GIPC1: variants seen among roughly 807,000 people sequenced by gnomAD.
GIPC1 encodes the protein GIPC PDZ domain containing family member 1, also known as PDZ domain-containing protein GIPC1.
In GIPC1, 15 loss-of-function variants were observed where a neutral mutation model predicts 28.5. That is an observed-to-expected ratio of 0.53 (90% CI 0.35 to 0.81). The LOEUF (loss-of-function observed/expected upper bound fraction) is 0.81. Among genes scored for constraint, GIPC1 ranks in the 30% least tolerant of loss-of-function variants. The pLI is 0.01. For synonymous variants in GIPC1, 224 were observed against 206.1 expected (o/e 1.09, Z -0.74); for missense variants, 439 against 481.9 (o/e 0.91, Z 0.83).
chr19:14,491,928 C>T (rs935166509), intron 2 of GIPC1, among the ~76,000 whole-genome samples, 185 bp from the exon 3 acceptor site: 1 of 152,004 alleles, frequency 6.6e-6, no homozygotes, highest in African/African-American at 2.4e-5. Flanking sequence ...ATTAGCCAGG[C>T]GTGGTGGCGG....
rs1429480135 is a variant in GIPC1, at chr19:14,480,360, C to A, written c.600G>T (p.Glu200Asp). Reference protein sequence around the residue: ...RHYEVARLLKELPRGRTFTLK... With the variant: ...RHYEVARLLKDLPRGRTFTLK... ...GCGTGAAGGTACGGCCTCGGGGCAG[C>A]TCCTTGAGCAGCCGGGCCACCTCGT... The change falls in exon 6 of 9, where the codon GAG (glutamate) becomes GAT (aspartate). Residue 200 changes from glutamate to aspartate, a missense_variant. Physicochemically the swap from Glu to Asp is conservative, Grantham distance 45 (BLOSUM62 2). Transcript: ENST00000393033. 72 of 1,612,360 alleles carry A rather than the reference C, an allele frequency of 4.5e-5. No homozygotes were observed. The East Asian group carries it at 1.6e-3, about 36-fold the overall frequency.
chr19:14,489,250 A>G, intron 3 of GIPC1: 1 of 637,776 alleles, frequency 1.6e-6, no homozygotes, highest in Non-Finnish European at 2.9e-6. Context: ...GGTTTGCCCC[A>G]TTGAAACTCA....
At chr19:14,485,186 TAAAA>T (rs1369129936) in intron 3 of GIPC1, among the ~76,000 whole-genome samples, 2 of 150,940 alleles carry the variant, frequency 1.3e-5, no homozygotes, top group African/African-American at 4.9e-5. Context: ...AATAAATAAA[TAAAA>T]GAGTCAGGGT....
chr19:14,489,506 T>C (rs1403103339), intron 3 of GIPC1: 1 of 905,948 alleles, frequency 1.1e-6, no homozygotes, highest in South Asian at 1.3e-5. Flanking sequence ...TTTATGAACC[T>C]TGTGATAGAT....
intron 3 of GIPC1, among the ~76,000 whole-genome samples, chr19:14,484,639 A>C (rs1238723681): frequency 6.6e-6 from 1 of 151,936 alleles, no homozygotes; most frequent in Admixed American, 6.6e-5. Flanking sequence ...TTAGCTACTC[A>C]GGAGGCTGAG....
At chr19:14,488,232 CAT>C (rs1489766838) in intron 3 of GIPC1, among the ~76,000 whole-genome samples, 1 of 151,594 alleles carries the variant, frequency 6.6e-6, no homozygotes, top group Non-Finnish European at 1.5e-5. Context: ...TGACGGATCA[CAT>C]GAGGTCAGCA....
At chr19:14,485,730 G>C (rs911295745) in intron 3 of GIPC1, among the ~76,000 whole-genome samples, 25 of 144,350 alleles carry the variant, frequency 1.7e-4, no homozygotes, top group African/African-American at 4.4e-4. Flanking sequence ...GAGAGAGAGA[G>C]AGAGAGAGAG....
Position 14,477,777 on chromosome 19 carries a change from C to T in GIPC1, c.*639G>A, listed in dbSNP as rs2071632040. On this transcript the variant is annotated 3_prime_UTR_variant, in exon 9 of 9. Coordinates refer to ENST00000393033, the MANE Select transcript of GIPC1 (RefSeq NM_005716.4). ...ACACAGGTCCAACAGCAGATAGATT[C>T]TTTATGTTCAAGACAGCAAATTCAG... 1 of 152,546 alleles carries T rather than the reference C, an allele frequency of 6.6e-6. No individual in the cohort carries two copies. Among genetic ancestry groups the T allele is most frequent in the South Asian group, 2.1e-4 (1 of 4,838 alleles). The allele number at this position is 152,546 out of a possible 1,614,324, so 9.4% of individuals were successfully genotyped here.
At chr19:14,489,408 T>G in intron 3 of GIPC1, 1 of 801,398 alleles carries the variant, frequency 1.2e-6, no homozygotes, top group Non-Finnish European at 2.3e-6. Flanking sequence ...CTCACCCTCC[T>G]GAGTTGAAAA....
intron 3 of GIPC1, chr19:14,489,441 A>C: frequency 1.1e-6 from 1 of 909,648 alleles, no homozygotes; most frequent in South Asian, 1.3e-5. Context: ...AGAAGTTTTC[A>C]TTGAAATTAA....
chr19:14,481,022 G>A (rs536866136), intron 4 of GIPC1: 3 of 468,552 alleles, frequency 6.4e-6, no homozygotes, highest in Non-Finnish European at 7.6e-6. Context: ...CCAGGCTGGA[G>A]TGCAGTGGTG....
intron 3 of GIPC1, among the ~76,000 whole-genome samples, chr19:14,490,295 G>A (rs1326863772): frequency 6.6e-6 from 1 of 152,044 alleles, no homozygotes; most frequent in Non-Finnish European, 1.5e-5. Flanking sequence ...GAACCTGGGA[G>A]GTGGAGGTTG....
At chr19:14,492,595 T>C (rs1449512400) in intron 2 of GIPC1, among the ~76,000 whole-genome samples, 1 of 152,084 alleles carries the variant, frequency 6.6e-6, no homozygotes, top group Non-Finnish European at 1.5e-5. Context: ...CGTGAGCCAC[T>C]GCACCCGGCC....
Position 14,478,704 on chromosome 19 carries a change from C to A in GIPC1, c.830G>T (p.Gly277Val). Residue 277 changes from glycine to valine, a missense_variant, in exon 8 of 9, where the codon GGT (glycine) becomes GTT (valine). Transcript: ENST00000393033. The surrounding 1 kb of genome is among the most constrained non-coding windows in gnomAD (Gnocchi z 5.2). ...CTCACCCAGCTCCGTGTCCCTGATA[C>A]CCATGTAACTCTCCAGCAGGTCATC... ...KVDDLLESYM[G>V]IRDTELAATM... The A allele has an allele frequency of 6.2e-7, 1 of 1,613,830 alleles. No individual in the cohort carries two copies. The highest frequency in any genetic ancestry group is 8.5e-7 in the Non-Finnish European group (1 of 1,179,868).
rs2071647848 is a variant in GIPC1 at position 14,478,411 on chromosome 19, C to A, written c.*5G>T. On this transcript the variant is annotated 3_prime_UTR_variant, in exon 9 of 9. Coordinates refer to ENST00000393033, the MANE Select transcript of GIPC1 (RefSeq NM_005716.4). The surrounding 1 kb of genome is among the most constrained non-coding windows in gnomAD (Gnocchi z 5.2). ...GGGTCATCATCGCAGGGTCCGGGGG[C>A]AGTCCTAGTAGCGGCCGACCTTGGC... is the stretch of plus-strand genomic sequence containing the variant. 2 of 1,604,240 alleles carry A rather than the reference C, an allele frequency of 1.2e-6. No individual in the cohort carries two copies. Among genetic ancestry groups the A allele is most frequent in the Non-Finnish European group, 1.7e-6 (2 of 1,175,870 alleles).
chr19:14,486,832 C>T (rs918900543), intron 3 of GIPC1, among the ~76,000 whole-genome samples: 1 of 151,420 alleles, frequency 6.6e-6, no homozygotes, highest in Non-Finnish European at 1.5e-5. Context: ...CTGCCTCAAC[C>T]TCCCAAGTAG....
In GIPC1 at chr19:14,496,086, T is replaced by C. The variant is rs1010351732; in HGVS notation, c.-224A>G. ...CGCCGCCGCCGCCGCTGCCTCCGCC[T>C]CCCCGTGCGCACCCGGCTCGGCCCT... On this transcript the variant is annotated 5_prime_UTR_variant, in exon 1 of 9. Coordinates refer to ENST00000393033, the MANE Select transcript of GIPC1 (RefSeq NM_005716.4). 1 of 223,312 alleles carries C rather than the reference T, an allele frequency of 4.5e-6. No individual in the cohort carries two copies. Among genetic ancestry groups the C allele is most frequent in the South Asian group, 8.9e-5 (1 of 11,290 alleles). The allele number at this position is 223,312 out of a possible 1,614,324, so 13.8% of individuals were successfully genotyped here.
chr19:14,483,510 A>C (rs1158287727), intron 3 of GIPC1: 1 of 152,368 alleles, frequency 6.6e-6, no homozygotes, highest in Non-Finnish European at 1.5e-5. Flanking sequence ...GCACTGTGGG[A>C]GGCTGAGACG....
chr19:14,486,309 C>T (rs879521972), intron 3 of GIPC1, among the ~76,000 whole-genome samples: 4 of 152,216 alleles, frequency 2.6e-5, no homozygotes, highest in African/African-American at 9.6e-5. Context: ...CAGCCACAGT[C>T]ACTAACACTG....
Sources: allele counts gnomAD v4.1 joint callset (sites outside exome capture counted in the v4.1 genomes callset), GRCh38; gene constraint gnomAD v4.1.1; non-coding constraint Gnocchi (gnomAD v3.1); transcripts MANE v1.5; gene names NCBI Gene and HGNC (gene_info 2026-07-23, HGNC 2026-07-21).